The following FSIP2 variants were observed in gnomAD, a reference collection of about 807,000 sequenced individuals.
FSIP2 encodes fibrous sheath interacting protein 2.
FSIP2 carries 367 observed loss-of-function variants against 510.5 expected under a neutral mutation model. That is an observed-to-expected ratio of 0.72 (90% CI 0.66 to 0.78). The LOEUF (loss-of-function observed/expected upper bound fraction) is 0.78, where lower values mean the gene tolerates loss of function less well. FSIP2 is among the 30% of genes least tolerant of loss of function. The pLI, the probability that FSIP2 is intolerant of heterozygous loss-of-function variation, is 0.00. For synonymous variants in FSIP2, 2,601 were observed against 2,732.2 expected, an observed-to-expected ratio of 0.95 and a Z score of 1.50; for missense variants, 7,594 against 7,901.7, an observed-to-expected ratio of 0.96 and a Z score of 1.48.
rs752553303 is a variant in FSIP2, at chr2:185,807,206, G to A, written c.17900G>A (p.Cys5967Tyr). ...IFQRQVNLIFCDEVSVSACLP... is the reference protein window; with the variant it reads ...IFQRQVNLIFYDEVSVSACLP... ...CAACGTCAGGTTAACTTGATATTTT[G>A]TGATGAGGTTTCAGTTTCAGCATGT... The change falls in exon 17 of 23, where the codon TGT becomes TAT. Residue 5967 changes from cysteine to tyrosine, a missense_variant. Cys to Tyr is a radical substitution (Grantham distance 194, BLOSUM62 -2). Coordinates refer to ENST00000424728, the MANE Select transcript of FSIP2 (RefSeq NM_173651.4). 1.2e-6 allele frequency: 2 copies of A among 1,603,624 alleles called. No homozygotes were observed. The highest frequency in any genetic ancestry group is 2.3e-5 in the South Asian group (2 of 88,538).
At chr2:185,778,053 G>C (rs1207237345) in intron 13 of FSIP2, among the ~76,000 whole-genome samples, 1 of 151,940 alleles carries the variant, frequency 6.6e-6, no homozygotes, top group Non-Finnish European at 1.5e-5. Flanking sequence ...TCTTCTTTTT[G>C]AGTGCTTTTA....
In FSIP2 at chr2:185,816,560, G is replaced by T. The variant is rs146938367; in HGVS notation, c.20426+1089G>T. Among the ~76,000 whole-genome samples, 751 of 151,934 alleles carry T rather than the reference G, an allele frequency of 4.9e-3. 8 individuals carry two copies. The highest frequency in any genetic ancestry group is 0.017 in the African/African-American group (710 of 41,488). On this transcript the variant is annotated intron_variant, in intron 19 of 22. Coordinates refer to ENST00000424728, the MANE Select transcript of FSIP2 (RefSeq NM_173651.4). Reference sequence around the variant, plus strand: ...ATATTCAATCAAGAAAAAGCTGGCTGCTCATGATGGCTCACGTCTGTAATC... The same window carrying T: ...ATATTCAATCAAGAAAAAGCTGGCTTCTCATGATGGCTCACGTCTGTAATC...
intron 2 of FSIP2, among the ~76,000 whole-genome samples, chr2:185,741,200 C>A (rs1301561027): frequency 6.6e-6 from 1 of 152,164 alleles, no homozygotes; most frequent in Non-Finnish European, 1.5e-5. Flanking sequence ...TCTCTGTCGA[C>A]CATTAATTCA....
chr2:185,784,462 A>C (rs1692921371), intron 14 of FSIP2, among the ~76,000 whole-genome samples: 1 of 152,098 alleles, frequency 6.6e-6, no homozygotes, highest in Non-Finnish European at 1.5e-5. Context: ...ATTGAAAGAA[A>C]GAAACTCAGA....
chr2:185,803,051 A>C lies in FSIP2; in HGVS notation c.13745A>C (p.Lys4582Thr). The C allele has an allele frequency of 6.6e-7, 1 of 1,518,802 alleles. No homozygotes were observed. Among genetic ancestry groups the C allele is most frequent in the East Asian group, 2.5e-5 (1 of 40,728 alleles). The allele number at this position is 1,518,802 out of a possible 1,614,324, so 94.1% of individuals were successfully genotyped here. Reference sequence around the variant, plus strand: ...GATAGAATAGCAGGTTTCATCATTAAACATATCTGTCAAAAACATCTTCAG... The same window carrying C: ...GATAGAATAGCAGGTTTCATCATTACACATATCTGTCAAAAACATCTTCAG... ...LIDRIAGFII[K>T]HICQKHLQPF... Residue 4582 changes from lysine (K) to threonine (T), a missense_variant, in exon 17 of 23, where the codon AAA becomes ACA. Physicochemically the swap from Lys to Thr is moderately conservative, Grantham distance 78. Transcript: ENST00000424728.
chr2:185,743,388 C>G (rs1691963395), intron 3 of FSIP2, 94 bp downstream of exon 3: 4 of 689,230 alleles, frequency 5.8e-6, no homozygotes, highest in Non-Finnish European at 8.7e-6. Flanking sequence ...GCCTGTGTCA[C>G]TTTTAACTTG....
intron 1 of FSIP2, 69 bp from the exon 2 acceptor site, chr2:185,739,275 AAG>A: frequency 7.1e-7 from 1 of 1,403,086 alleles, no homozygotes; most frequent in Non-Finnish European, 9.4e-7. Context: ...GTTGCAATGG[AAG>A]TAGATTGGTC....
Position 185,779,061 on chromosome 2 carries a change from T to C in FSIP2, c.1412-3644T>C, listed in dbSNP as rs555613984. Among the ~76,000 whole-genome samples the C allele has an allele frequency of 1.8e-4, 28 of 152,100 alleles. No individual in the cohort carries two copies. In the East Asian group the frequency reaches 5.4e-3, roughly 29 times the overall value. On this transcript the variant is annotated intron_variant, in intron 13 of 22. Transcript: ENST00000424728. ...TTAATATAGAGATGTCAGCTTCTAA[T>C]CTTAGTGTTATTTGTTTAGATGCCT...
chr2:185,829,056 C>A (rs1694065101), intron 21 of FSIP2, among the ~76,000 whole-genome samples: 1 of 151,828 alleles, frequency 6.6e-6, no homozygotes, highest in African/African-American at 2.4e-5. Context: ...ACCTCAGGCT[C>A]CACTTTGGCC....
Position 185,791,560 on chromosome 2 carries a change from C to T in FSIP2, c.4424C>T (p.Ala1475Val), listed in dbSNP as rs1336037705. ...AATAAGAATCAGAAAATGGCTGCTG[C>T]ATTGCAGTCTAATATTCAGTTAATT... ...MTNKNQKMAA[A>V]LQSNIQLISK... is the part of the protein sequence containing the mutation. Residue 1475 changes from alanine (A) to valine (V), a missense_variant, in exon 16 of 23, where the codon GCA (alanine) becomes GTA (valine). Coordinates refer to ENST00000424728, the MANE Select transcript of FSIP2 (RefSeq NM_173651.4). The T allele has an allele frequency of 1.3e-6, 2 of 1,534,270 alleles. No homozygotes were observed. The highest frequency in any genetic ancestry group is 2.0e-5 in the Admixed American group (1 of 50,856).
chr2:185,760,938 G>T (rs1464525643), intron 9 of FSIP2, 50 bp from the exon 10 acceptor site: 2 of 589,200 alleles, frequency 3.4e-6, no homozygotes, highest in Non-Finnish European at 5.4e-6. Flanking sequence ...CTTTCCTAAA[G>T]CTGTTAAAAA....
Position 185,777,402 on chromosome 2 carries a change from T to A in FSIP2, c.1412-5303T>A, listed in dbSNP as rs1692750330. Among the ~76,000 whole-genome samples the A allele has an allele frequency of 2.0e-5, 3 of 151,198 alleles. No homozygotes were observed. In the South Asian group the frequency reaches 6.3e-4, roughly 32 times the overall value. On this transcript the variant is annotated intron_variant, in intron 13 of 22. Coordinates refer to ENST00000424728, the MANE Select transcript of FSIP2 (RefSeq NM_173651.4). Reference sequence around the variant, plus strand: ...AATTCTTATAATTGTAGTTTTTTTTTTTTTTTTTTGCACTCTTCCCTTTCC... The same window carrying A: ...AATTCTTATAATTGTAGTTTTTTTTATTTTTTTTTGCACTCTTCCCTTTCC...
Position 185,792,346 on chromosome 2 carries a change from T to C in FSIP2, c.5210T>C (p.Ile1737Thr). The C allele has an allele frequency of 6.5e-7, 1 of 1,528,556 alleles. No homozygotes were observed. Among genetic ancestry groups the C allele is most frequent in the South Asian group, 1.2e-5 (1 of 82,630 alleles). 94.7% of individuals were successfully genotyped at this position (1,528,556 alleles called of 1,614,324 possible). Residue 1737 changes from isoleucine to threonine, a missense_variant, in exon 16 of 23, where the codon ATT (isoleucine) becomes ACT (threonine). Transcript: ENST00000424728. ...LEDDAYTAKK[I>T]IDERSPQREE... ...GATGATGCATATACAGCGAAAAAAA[T>C]TATTGATGAGAGATCCCCACAAAGA...
At chr2:185,774,456 T>C (rs1692675298) in intron 13 of FSIP2, among the ~76,000 whole-genome samples, 1 of 152,122 alleles carries the variant, frequency 6.6e-6, no homozygotes, top group African/African-American at 2.4e-5. Context: ...GAGTACATTA[T>C]TGTGATTCCT....
chr2:185,809,891 A>G (rs184151749), intron 17 of FSIP2, among the ~76,000 whole-genome samples: 17 of 152,158 alleles, frequency 1.1e-4, no homozygotes, highest in Middle Eastern at 3.4e-3. Flanking sequence ...TAATGTCCTT[A>G]TTACAAGGAA....
Position 185,801,461 on chromosome 2 carries a change from A to G in FSIP2, c.12155A>G (p.Tyr4052Cys). ...TVSKIVDSVYYDVLQQYELKV... is the reference protein window; with the variant it reads ...TVSKIVDSVYCDVLQQYELKV... Reference sequence around the variant, plus strand: ...AGCAAAATTGTTGACTCAGTTTATTATGATGTTTTACAGCAGTATGAATTA... The same window carrying G: ...AGCAAAATTGTTGACTCAGTTTATTGTGATGTTTTACAGCAGTATGAATTA... Residue 4052 changes from tyrosine (Y) to cysteine (C), a missense_variant, in exon 17 of 23, where the codon TAT becomes TGT. By Grantham distance (194) the Tyr-to-Cys change is radical. Transcript: ENST00000424728. 6.5e-7 allele frequency: 1 copy of G among 1,533,934 alleles called. No individual in the cohort carries two copies. The highest frequency in any genetic ancestry group is 8.7e-7 in the Non-Finnish European group (1 of 1,145,476).
intron 13 of FSIP2, chr2:185,765,630 C>CT (rs1163184817): frequency 3.3e-5 from 5 of 151,976 alleles, no homozygotes; most frequent in Non-Finnish European, 7.4e-5. Context: ...GATGCGGGCT[C>CT]TTTTTTGGTT....
chr2:185,805,634 A>T lies in FSIP2; in HGVS notation c.16328A>T (p.Asp5443Val). ...AAAGAGAACCAACTTTCTTTACCAG[A>T]TCAATCATATAAAGATACTTCTTCC... is the stretch of plus-strand genomic sequence containing the variant. ...CAKENQLSLP[D>V]QSYKDTSSTP... The change falls in exon 17 of 23, where the codon GAT (aspartate) becomes GTT (valine). Residue 5443 changes from aspartate to valine, a missense_variant. Physicochemically the swap from Asp to Val is radical, Grantham distance 152. Coordinates refer to ENST00000424728, the MANE Select transcript of FSIP2 (RefSeq NM_173651.4). The T allele has an allele frequency of 6.2e-7, 1 of 1,609,666 alleles. No individual in the cohort carries two copies. Among genetic ancestry groups the T allele is most frequent in the Non-Finnish European group, 8.5e-7 (1 of 1,178,170 alleles).
chr2:185,787,211 T>A (rs912210645), intron 15 of FSIP2, among the ~76,000 whole-genome samples: 1 of 135,874 alleles, frequency 7.4e-6, no homozygotes, highest in Admixed American at 7.4e-5. Context: ...TGTATTTATT[T>A]AAGACATGTA....
Sources: allele counts gnomAD v4.1 joint callset (sites outside exome capture counted in the v4.1 genomes callset), GRCh38; gene constraint gnomAD v4.1.1; transcripts MANE v1.5; gene names NCBI Gene and HGNC (gene_info 2026-07-23, HGNC 2026-07-21).